SNX27: variants seen among roughly 807,000 people sequenced by gnomAD.
The protein encoded by SNX27 is sorting nexin-27.
SNX27 carries 22 observed loss-of-function variants against 71.6 expected under a neutral mutation model. The ratio of observed to expected loss-of-function variants is 0.31; its 90% CI spans 0.22 to 0.44. The LOEUF is 0.44. SNX27 is among the 20% of genes least tolerant of loss of function. The pLI, the probability that SNX27 is intolerant of heterozygous loss-of-function variation, is 1.00. For missense variants in SNX27, 531 were observed against 698.6 expected (o/e 0.76, Z 2.70); for synonymous variants, 269 against 277.2 (o/e 0.97, Z 0.29).
intron 2 of SNX27, among the ~76,000 whole-genome samples, chr1:151,655,660 G>A (rs1239296415): frequency 2.0e-5 from 3 of 152,256 alleles, no homozygotes; most frequent in African/African-American, 4.8e-5. Flanking sequence ...AGGGATCACC[G>A]TTCTTAGCTG....
In SNX27 at chr1:151,612,270, C is replaced by A; in HGVS notation, c.69C>A (p.Gly23=). 1.4e-6 allele frequency: 2 copies of A among 1,450,246 alleles called. No homozygotes were observed. The highest frequency in any genetic ancestry group is 3.0e-5 in the Admixed American group (1 of 33,376). The allele number at this position is 1,450,246 out of a possible 1,614,324, so 89.8% of individuals were successfully genotyped here. ...ACAGGAACGGAGGTGGCGGCGGCGG[C>A]GGGGGGTCTGGGCTCCACTGCGCCG... The part of the protein sequence containing the change: ...APHRNGGGGG[G]GGSGLHCAGN... Residue 23 remains glycine (G), a synonymous_variant, in exon 1 of 12, where the codon GGC becomes GGA. Transcript: ENST00000458013. The surrounding 1 kb of genome is among the most constrained non-coding windows in gnomAD (Gnocchi z 5.2).
intron 1 of SNX27, among the ~76,000 whole-genome samples, chr1:151,623,505 G>T (rs1198902884): frequency 6.6e-6 from 1 of 151,978 alleles, no homozygotes; most frequent in African/African-American, 2.4e-5. Flanking sequence ...TCAGTGATCT[G>T]CCTGCCTTGG....
Position 151,681,534 on chromosome 1 carries a change from G to A in SNX27, c.1150-1822G>A, listed in dbSNP as rs556067242. Among the ~76,000 whole-genome samples, 50 of 152,110 alleles carry A rather than the reference G, an allele frequency of 3.3e-4. 1 individual carries two copies. Among genetic ancestry groups the A allele is most frequent in the African/African-American group, 1.1e-3 (47 of 41,506 alleles). On this transcript the variant is annotated intron_variant, in intron 7 of 11. Coordinates refer to ENST00000458013, the MANE Select transcript of SNX27 (RefSeq NM_001330723.2). Reference sequence around the variant, plus strand: ...TGAGATTACAGGCATGAGCCACCGCGCCTGGCCCTCTTGACTTAATCTTGA... The same window carrying A: ...TGAGATTACAGGCATGAGCCACCGCACCTGGCCCTCTTGACTTAATCTTGA...
chr1:151,695,512 TG>T lies in SNX27; in HGVS notation c.*1098del, dbSNP rs1392360825. ...CATAGCTCACTGTTACCTTGAATTC[TG>T]GGCTCAGGTGATCCTTCCGCCTCAC... On this transcript the variant is annotated 3_prime_UTR_variant, in exon 12 of 12. Transcript: ENST00000458013. The T allele has an allele frequency of 6.7e-6, 1 of 148,680 alleles. No homozygotes were observed. The highest frequency in any genetic ancestry group is 1.5e-5 in the Non-Finnish European group (1 of 67,446). 9.2% of individuals were successfully genotyped at this position (148,680 alleles called of 1,614,324 possible).
chr1:151,639,074 G>A lies in SNX27; in HGVS notation c.498G>A (p.Ser166=), dbSNP rs1668605402. Residue 166 remains serine, a synonymous_variant, in exon 2 of 12, where the codon TCG becomes TCA. Transcript: ENST00000458013. The stretch of plus-strand genomic sequence containing the variant: ...CAGAAAAGCAAGCAGTGCCCATATC[G>A]GTCCCCAGATACAAACATGTGGAGC... ...DYTEKQAVPI[S]VPRYKHVEQN... is the part of the protein sequence containing the mutation. 1.2e-6 allele frequency: 2 copies of A among 1,613,952 alleles called. No individual in the cohort carries two copies. The highest frequency in any genetic ancestry group is 1.7e-5 in the Admixed American group (1 of 59,994).
Position 151,692,553 on chromosome 1 carries a change from T to C in SNX27, c.1358T>C (p.Leu453Pro), listed in dbSNP as rs769490018. The change falls in exon 9 of 12, where the codon CTG becomes CCG. Residue 453 changes from leucine to proline, a missense_variant. Leu to Pro is a moderately conservative substitution (Grantham distance 98, BLOSUM62 -3). Around this residue, in one of 5 missense-constraint regions of SNX27, gnomAD observed 157 missense variants for 178.4 expected, o/e 0.88. Coordinates refer to ENST00000458013, the MANE Select transcript of SNX27 (RefSeq NM_001330723.2). ...ITAISITHFK[L>P]HACTEEGQLE... ...GCCATCAGCATCACGCACTTTAAAC[T>C]GCATGCCTGCACTGAAGAAGGACAG... 1 of 1,613,732 alleles carries C rather than the reference T, an allele frequency of 6.2e-7. No homozygotes were observed. The highest frequency in any genetic ancestry group is 8.5e-7 in the Non-Finnish European group (1 of 1,179,906).
At chr1:151,624,413 A>G (rs1280944778) in intron 1 of SNX27, among the ~76,000 whole-genome samples, 33 of 141,634 alleles carry the variant, frequency 2.3e-4, no homozygotes, top group Non-Finnish European at 4.2e-4. Context: ...TTGATTTTAT[A>G]TATATATATA....
rs886647879 is a variant in SNX27 at position 151,658,425 on chromosome 1, A to G, written c.734A>G (p.Lys245Arg). The G allele has an allele frequency of 6.2e-7, 1 of 1,613,394 alleles. No homozygotes were observed. The highest frequency in any genetic ancestry group is 1.7e-5 in the Admixed American group (1 of 59,956). Residue 245 changes from lysine to arginine, a missense_variant and splice_region_variant, in exon 3 of 12, where the codon AAA becomes AGA. This residue lies in a region of SNX27 where 184 missense variants were observed against 289.6 expected (regional missense o/e 0.64). Coordinates refer to ENST00000458013, the MANE Select transcript of SNX27 (RefSeq NM_001330723.2). Reference sequence around the variant, plus strand: ...CGGGGATTGGAAGAATATCTAGAAAAAGGTAATCCAAACCATCAAACTCTA... The same window carrying G: ...CGGGGATTGGAAGAATATCTAGAAAGAGGTAATCCAAACCATCAAACTCTA... ...RRRGLEEYLE[K>R]VCSIRVIGES...
At chr1:151,644,388 G>A (rs957374112) in intron 2 of SNX27, among the ~76,000 whole-genome samples, 1 of 151,848 alleles carries the variant, frequency 6.6e-6, no homozygotes, top group Non-Finnish European at 1.5e-5. Flanking sequence ...TGGAATCATG[G>A]TTTTTTTTGT....
At chr1:151,641,640 C>CAT (rs1181862381) in intron 2 of SNX27, among the ~76,000 whole-genome samples, 1 of 80,056 alleles carries the variant, frequency 1.2e-5, no homozygotes, top group South Asian at 5.4e-4. Flanking sequence ...TCATATGTAT[C>CAT]ATATATATAT....
At chr1:151,627,871 G>T (rs1182915635) in intron 1 of SNX27, among the ~76,000 whole-genome samples, 1 of 151,974 alleles carries the variant, frequency 6.6e-6, no homozygotes, top group Non-Finnish European at 1.5e-5. Context: ...TTCTCCACAG[G>T]CCCCTGGTAA....
At chr1:151,626,878 T>C (rs575545853) in intron 1 of SNX27, among the ~76,000 whole-genome samples, 1 of 152,218 alleles carries the variant, frequency 6.6e-6, no homozygotes, top group East Asian at 1.9e-4. Flanking sequence ...CAAGATAGTT[T>C]TTGTTTTGTT....
rs186012861 is a variant in SNX27 at position 151,663,307 on chromosome 1, C to T, written c.906+1037C>T. Among the ~76,000 whole-genome samples the T allele has an allele frequency of 5.3e-3, 811 of 152,058 alleles. 6 individuals are homozygous for T. The highest frequency in any genetic ancestry group is 0.018 in the African/African-American group (764 of 41,472). On this transcript the variant is annotated intron_variant, in intron 5 of 11. Coordinates refer to ENST00000458013, the MANE Select transcript of SNX27 (RefSeq NM_001330723.2). ...CTGGGACTACAGGCGCCCACCACCA[C>T]GCCCGGCTAATTTTTTGTATTTTTG...
chr1:151,631,269 A>C (rs983285040), intron 1 of SNX27, among the ~76,000 whole-genome samples: 6 of 152,232 alleles, frequency 3.9e-5, no homozygotes, highest in African/African-American at 1.4e-4. Context: ...CTCTTCTCAT[A>C]TGCCAGGGGT....
intron 8 of SNX27, among the ~76,000 whole-genome samples, chr1:151,691,898 A>C (rs1488905159): frequency 6.6e-6 from 1 of 151,992 alleles, no homozygotes; most frequent in Non-Finnish European, 1.5e-5. Flanking sequence ...TAGAAGTTGA[A>C]AGTGGGATAA....
intron 2 of SNX27, among the ~76,000 whole-genome samples, chr1:151,644,931 C>T (rs565235926): frequency 1.3e-5 from 2 of 152,168 alleles, no homozygotes; most frequent in Non-Finnish European, 2.9e-5. Flanking sequence ...TCCTGAGTAG[C>T]TGGGATTACA....
In SNX27 at chr1:151,693,017, G is replaced by A; in HGVS notation, c.1496G>A (p.Trp499Ter). The A allele has an allele frequency of 6.2e-7, 1 of 1,614,130 alleles. No homozygotes were observed. The highest frequency in any genetic ancestry group is 8.5e-7 in the Non-Finnish European group (1 of 1,180,020). ...EYARGEKKPR[W>*]VKIFTPYFNY... is the part of the protein sequence containing the mutation. ...GCACGAGGAGAGAAGAAGCCCCGAT[G>A]GGTTAAAATCTTCACGCCATATGTG... The change falls in exon 10 of 12, where the codon TGG becomes TAG. Residue 499 changes from tryptophan (W) to a stop codon, truncating the protein, a stop_gained. Transcript: ENST00000458013. LOFTEE classifies it high-confidence loss of function.
rs111310642 is a variant in SNX27 at position 151,640,699 on chromosome 1, C to A, written c.543+1580C>A. ...CCACTAATTGTACTTTTCAAATCAA[C>A]TTTATTGAACATAGTTTACCTATAT... On this transcript the variant is annotated intron_variant, in intron 2 of 11. Coordinates refer to ENST00000458013, the MANE Select transcript of SNX27 (RefSeq NM_001330723.2). Among the ~76,000 whole-genome samples the A allele has an allele frequency of 3.8e-3, 585 of 152,272 alleles. 7 individuals are homozygous for A. The highest frequency in any genetic ancestry group is 0.013 in the African/African-American group (524 of 41,552).
At chr1:151,648,258 T>TTGCC (rs1197925906) in intron 2 of SNX27, among the ~76,000 whole-genome samples, 1 of 152,132 alleles carries the variant, frequency 6.6e-6, no homozygotes, top group Non-Finnish European at 1.5e-5. Flanking sequence ...TTTCATCATG[T>TTGCC]TGCCCAGGCT....
Sources: gnomAD v4.1 joint callset for allele counts (sites outside exome capture counted in the v4.1 genomes callset) on GRCh38, gnomAD v4.1.1 for gene constraint, gnomAD v4.1.1 regional missense constraint, Gnocchi (gnomAD v3.1) non-coding constraint, MANE v1.5 for transcripts, NCBI Gene and HGNC (gene_info 2026-07-23, HGNC 2026-07-21) for gene names.